PLEKHG4B: variants seen among roughly 807,000 people sequenced by gnomAD.
The protein encoded by PLEKHG4B is pleckstrin homology domain-containing family G member 4B.
PLEKHG4B carries 111 observed loss-of-function variants against 121.3 expected under a neutral mutation model. The ratio of observed to expected loss-of-function variants is 0.92; its 90% CI spans 0.78 to 1.07. PLEKHG4B has a LOEUF of 1.07. PLEKHG4B is among the 50% of genes least tolerant of loss of function. The probability of loss-of-function intolerance (pLI) is 0.00; values close to 1 mark genes in which losing one functional copy is unlikely to be tolerated. For missense variants in PLEKHG4B, 1,831 were observed against 1,757.8 expected (o/e 1.04, Z -0.74); for synonymous variants, 738 against 725.0 (o/e 1.02, Z -0.29).
chr5:133,293 G>T (rs1019755055), intron 2 of PLEKHG4B, among the ~76,000 whole-genome samples: 1 of 151,932 alleles, frequency 6.6e-6, no homozygotes, highest in African/African-American at 2.4e-5. Context: ...CTTTTTGGAG[G>T]AATCTTCAGA....
At chr5:162,036 C>A in intron 12 of PLEKHG4B, 92 bp downstream of exon 12, 1 of 1,448,378 alleles carries the variant, frequency 6.9e-7, no homozygotes. Flanking sequence ...CTGGAGTGGG[C>A]CAGGCTGTGG....
intron 13 of PLEKHG4B, 182 bp from the exon 14 acceptor site, chr5:169,158 G>T (rs1736450309): frequency 2.7e-6 from 2 of 736,674 alleles, no homozygotes; most frequent in Admixed American, 3.0e-5. Flanking sequence ...ACAGGCACGA[G>T]CCCCCACGCC....
intron 18 of PLEKHG4B, among the ~76,000 whole-genome samples, chr5:175,163 G>T (rs1736718485): frequency 6.6e-6 from 1 of 152,016 alleles, no homozygotes; most frequent in Non-Finnish European, 1.5e-5. Flanking sequence ...TCCTGCCCCT[G>T]CCCTGCTGGT....
In PLEKHG4B at chr5:188,870, C is replaced by T. The variant is rs1183619902; in HGVS notation, c.*6547C>T. ...CACCGTGTGTATCAGGTGTCAGAGG[C>T]CTTGCTGGGTGCCAGGCCACGTCTG... On this transcript the variant is annotated 3_prime_UTR_variant, in exon 20 of 20. Transcript: ENST00000637938. The T allele has an allele frequency of 2.6e-5, 4 of 152,240 alleles. No individual in the cohort carries two copies. Among genetic ancestry groups the T allele is most frequent in the Non-Finnish European group, 5.9e-5 (4 of 68,054 alleles). 9.4% of individuals were successfully genotyped at this position (152,240 alleles called of 1,614,324 possible).
At chr5:144,111 G>A (rs1735323336) in intron 5 of PLEKHG4B, 1 of 154,384 alleles carries the variant, frequency 6.5e-6, no homozygotes, top group Non-Finnish European at 1.4e-5. Context: ...GTGTAGTAGT[G>A]AGAAGGGGGA....
intron 14 of PLEKHG4B, among the ~76,000 whole-genome samples, chr5:170,136 TTTAA>T (rs1423147120): frequency 6.6e-6 from 1 of 152,226 alleles, no homozygotes; most frequent in Non-Finnish European, 1.5e-5. Flanking sequence ...TTTGAGAGTC[TTTAA>T]TAAAGTTTTT....
At chr5:128,377 A>G (rs959323485) in intron 2 of PLEKHG4B, among the ~76,000 whole-genome samples, 5 of 152,216 alleles carry the variant, frequency 3.3e-5, no homozygotes, top group African/African-American at 1.2e-4. Flanking sequence ...AAACCACATG[A>G]TGAGAATTTA....
intron 2 of PLEKHG4B, among the ~76,000 whole-genome samples, chr5:134,696 G>A (rs1293398624): frequency 6.6e-6 from 1 of 151,636 alleles, no homozygotes; most frequent in East Asian, 1.9e-4. Context: ...AACCTGGGAG[G>A]TGGAGGTTGC....
In PLEKHG4B at chr5:161,906, C is replaced by G. The variant is rs1296248018; in HGVS notation, c.2611C>G (p.Leu871Val). 1.2e-6 allele frequency: 2 copies of G among 1,613,300 alleles called. No individual in the cohort carries two copies. Among genetic ancestry groups the G allele is most frequent in the East Asian group, 2.2e-5 (1 of 44,884 alleles). Reference protein sequence around the residue: ...VSQAECREGELARWTRSSELC... With the variant: ...VSQAECREGEVARWTRSSELC... ...CCAGGCTGAGTGCAGGGAGGGAGAGCTGGCCAGGTGGACCCGCTCGTCCGA... is the reference window on the plus strand; with the variant it reads ...CCAGGCTGAGTGCAGGGAGGGAGAGGTGGCCAGGTGGACCCGCTCGTCCGA... Residue 871 changes from leucine to valine, a missense_variant, in exon 12 of 20, where the codon CTG becomes GTG. Transcript: ENST00000637938.
In PLEKHG4B at chr5:156,003, G is replaced by A; in HGVS notation, c.2209-68G>A. On this transcript the variant is annotated intron_variant, in intron 9 of 19. Coordinates refer to ENST00000637938, the MANE Select transcript of PLEKHG4B (RefSeq NM_052909.5). This position sits in a 1 kb window ranked among gnomAD's most constrained non-coding sequence, Gnocchi z 4.4. ...ATGGAAACAGGACATTCCTGCCACT[G>A]TCACACTTGGGAGGACCTGCCCCTT... 1 of 1,398,522 alleles carries A rather than the reference G, an allele frequency of 7.2e-7. No homozygotes were observed. The highest frequency in any genetic ancestry group is 9.6e-7 in the Non-Finnish European group (1 of 1,046,996). 86.6% of individuals were successfully genotyped at this position (1,398,522 alleles called of 1,614,324 possible).
chr5:174,146 A>C, intron 18 of PLEKHG4B, 48 bp downstream of exon 18: 33 of 918,222 alleles, frequency 3.6e-5, no homozygotes, highest in Non-Finnish European at 4.5e-5. Flanking sequence ...GGGCACAGCT[A>C]GGGGCAGGGG....
intron 14 of PLEKHG4B, among the ~76,000 whole-genome samples, chr5:170,382 A>G (rs1036343356): frequency 6.6e-6 from 1 of 152,006 alleles, no homozygotes; most frequent in Non-Finnish European, 1.5e-5. Context: ...AGCTCACAGC[A>G]GACTCCGCCT....
chr5:122,675 C>G (rs1256985177), intron 2 of PLEKHG4B, among the ~76,000 whole-genome samples: 1 of 152,076 alleles, frequency 6.6e-6, no homozygotes, highest in Non-Finnish European at 1.5e-5. Context: ...CTGCCTCGGC[C>G]TCCCAAAGTG....
At chr5:109,397 CAAAAAAAAAAAAA>C (rs34972342) in intron 1 of PLEKHG4B, among the ~76,000 whole-genome samples, 1 of 61,838 alleles carries the variant, frequency 1.6e-5, no homozygotes. Context: ...ACTCTGTCTC[CAAAAAAAAAAAAA>C]AAAAAAAAAA....
intron 16 of PLEKHG4B, 116 bp downstream of exon 16, chr5:171,560 C>G (rs765510061): frequency 9.4e-7 from 1 of 1,063,548 alleles, no homozygotes; most frequent in Admixed American, 2.4e-5. Context: ...AGATTTGCCC[C>G]GGAGAAGTCC....
intron 11 of PLEKHG4B, among the ~76,000 whole-genome samples, chr5:158,459 G>A (rs1196166891): frequency 7.3e-6 from 1 of 137,352 alleles, no homozygotes; most frequent in Non-Finnish European, 1.5e-5. Flanking sequence ...CGTCCTGGGA[G>A]TCTCCCCCAT....
intron 16 of PLEKHG4B, among the ~76,000 whole-genome samples, chr5:172,151 C>G (rs13356529): frequency 3.3e-5 from 5 of 151,510 alleles, no homozygotes; most frequent in Admixed American, 1.3e-4. Flanking sequence ...CCCCCAACAC[C>G]GACGGAATCG....
At chr5:129,967 G>A (rs1734731520) in intron 2 of PLEKHG4B, among the ~76,000 whole-genome samples, 1 of 152,124 alleles carries the variant, frequency 6.6e-6, no homozygotes, top group South Asian at 2.1e-4. Flanking sequence ...ATGTGCTTAA[G>A]AGTCACACAT....
Position 182,366 on chromosome 5 carries a change from A to G in PLEKHG4B, c.*43A>G, listed in dbSNP as rs1733435367. The G allele has an allele frequency of 2.0e-6, 3 of 1,530,096 alleles. No homozygotes were observed. Among genetic ancestry groups the G allele is most frequent in the Non-Finnish European group, 2.6e-6 (3 of 1,138,190 alleles). The allele number at this position is 1,530,096 out of a possible 1,614,324, so 94.8% of individuals were successfully genotyped here. A position where few individuals can be genotyped will look rare whatever the true frequency, so the allele number is the denominator to read the frequency against. Reference sequence around the variant, plus strand: ...GTGCCCATCATGTGGCTAGAACAATACAGAGGGAGCAGCACGCCAGGCCTG... The same window carrying G: ...GTGCCCATCATGTGGCTAGAACAATGCAGAGGGAGCAGCACGCCAGGCCTG... On this transcript the variant is annotated 3_prime_UTR_variant, in exon 20 of 20. Coordinates refer to ENST00000637938, the MANE Select transcript of PLEKHG4B (RefSeq NM_052909.5).
Sources: gnomAD v4.1 joint callset for allele counts (sites outside exome capture counted in the v4.1 genomes callset) on GRCh38, gnomAD v4.1.1 for gene constraint, Gnocchi (gnomAD v3.1) non-coding constraint, MANE v1.5 for transcripts, NCBI Gene and HGNC (gene_info 2026-07-23, HGNC 2026-07-21) for gene names.